GRM4: variants seen among roughly 807,000 people sequenced by gnomAD.
GRM4 encodes metabotropic glutamate receptor 4.
GRM4 carries 28 observed loss-of-function variants against 81.7 expected under a neutral mutation model. That is an observed-to-expected ratio of 0.34 (90% CI 0.25 to 0.47). The LOEUF (loss-of-function observed/expected upper bound fraction) is 0.47. GRM4 is among the 20% of genes least tolerant of loss of function. The pLI is 1.00. For missense variants in GRM4, 948 were observed against 1,290.0 expected (o/e 0.73, Z 4.06); for synonymous variants, 488 against 528.8 (o/e 0.92, Z 1.06).
rs186254295 is a variant in GRM4 at position 34,117,512 on chromosome 6, C to T, written c.519+15466G>A. On this transcript the variant is annotated intron_variant, in intron 2 of 10. Transcript: ENST00000538487. The stretch of plus-strand genomic sequence containing the variant: ...GCTCCCTGCCCACCCACTACCTCAG[C>T]TGCCACACTGGATTTAAATCCCTGA... 3.0e-3 allele frequency among the ~76,000 whole-genome samples: 462 copies of T among 152,330 alleles called. 17 individuals carry two copies. The highest frequency in any genetic ancestry group is 0.03 in the Admixed American group (460 of 15,304).
rs536310911 is a variant in GRM4, at chr6:34,068,259, G to A, written c.737-6231C>T. On this transcript the variant is annotated intron_variant, in intron 3 of 10. Coordinates refer to ENST00000538487, the MANE Select transcript of GRM4 (RefSeq NM_000841.4). This position sits in a 1 kb window ranked among gnomAD's most constrained non-coding sequence, Gnocchi z 4.2. ...AGAGGCAGAGGCTGGATCTGAACTC[G>A]GGTCTGACTATTCTCTAGGAGCTGC... Among the ~76,000 whole-genome samples, 84 of 152,258 alleles carry A rather than the reference G, an allele frequency of 5.5e-4. 1 individual carries two copies. Among genetic ancestry groups the A allele is most frequent in the African/African-American group, 1.6e-3 (67 of 41,558 alleles).
Position 34,127,931 on chromosome 6 carries a change from C to A in GRM4, c.519+5047G>T, listed in dbSNP as rs539737227. Reference sequence around the variant, plus strand: ...GATCTAAGACAGTGTTCCCCCAGGGCCACACCCATAGCCCCGGCTCCAGAA... The same window carrying A: ...GATCTAAGACAGTGTTCCCCCAGGGACACACCCATAGCCCCGGCTCCAGAA... On this transcript the variant is annotated intron_variant, in intron 2 of 10. Transcript: ENST00000538487. Among the ~76,000 whole-genome samples the A allele has an allele frequency of 2.0e-5, 3 of 152,252 alleles. No homozygotes were observed. The South Asian group carries it at 6.2e-4, about 32-fold the overall frequency.
chr6:34,093,179 C>T (rs1768333967), intron 2 of GRM4, among the ~76,000 whole-genome samples: 1 of 152,228 alleles, frequency 6.6e-6, no homozygotes, highest in Non-Finnish European at 1.5e-5. Context: ...GGCCAGACTT[C>T]AGGCCCAGTG....
intron 2 of GRM4, among the ~76,000 whole-genome samples, chr6:34,108,728 G>A (rs950186635): frequency 6.6e-6 from 1 of 152,122 alleles, no homozygotes; most frequent in African/African-American, 2.4e-5. Context: ...AGTGTGCCAG[G>A]TGCTGGGAGG....
chr6:34,088,002 A>G (rs1334526281), intron 3 of GRM4, among the ~76,000 whole-genome samples: 1 of 151,940 alleles, frequency 6.6e-6, no homozygotes, highest in Non-Finnish European at 1.5e-5. Context: ...GGGGCCCAGC[A>G]CTTCCCAGGC....
intron 6 of GRM4, among the ~76,000 whole-genome samples, chr6:34,041,496 C>T (rs1765019008): frequency 6.6e-6 from 1 of 152,184 alleles, no homozygotes; most frequent in South Asian, 2.1e-4. Context: ...TGGGGTCTGA[C>T]CTCCCATCCT....
rs78696372 is a variant in GRM4 at position 34,047,552 on chromosome 6, C to T, written c.1169-6804G>A. On this transcript the variant is annotated intron_variant, in intron 6 of 10. Coordinates refer to ENST00000538487, the MANE Select transcript of GRM4 (RefSeq NM_000841.4). The surrounding 1 kb of genome is among the most constrained non-coding windows in gnomAD (Gnocchi z 4.5). ...TTTCAGCCCTATACCGCAGTTTTGC[C>T]GGCCCCCTCCTCTCGAATTTTCATC... Among the ~76,000 whole-genome samples, 3,712 of 152,184 alleles carry T rather than the reference C, an allele frequency of 0.024. 140 individuals carry two copies. Among genetic ancestry groups the T allele is most frequent in the African/African-American group, 0.081 (3,369 of 41,500 alleles).
intron 1 of GRM4, among the ~76,000 whole-genome samples, chr6:34,153,173 A>T (rs1231745251): frequency 1.3e-5 from 2 of 152,124 alleles, no homozygotes; most frequent in Non-Finnish European, 2.9e-5. Context: ...TCCCCGACGC[A>T]CACACCCAGC....
chr6:34,139,342 T>C (rs1438784288), intron 1 of GRM4, among the ~76,000 whole-genome samples: 2 of 152,170 alleles, frequency 1.3e-5, no homozygotes, highest in East Asian at 3.8e-4. Context: ...AAAAGGAAGG[T>C]AATTCTTAGG....
chr6:34,109,589 C>T (rs1022609467), intron 2 of GRM4, among the ~76,000 whole-genome samples: 2 of 152,204 alleles, frequency 1.3e-5, no homozygotes, highest in Non-Finnish European at 2.9e-5. Context: ...ACAATGCCTG[C>T]TGCCCAGTCT....
At chr6:34,062,259 T>C in intron 3 of GRM4, 1 of 455,462 alleles carries the variant, frequency 2.2e-6, no homozygotes, top group Non-Finnish European at 3.9e-6. Flanking sequence ...ACTTAAGTAC[T>C]CTGAGCCTCA....
At chr6:34,086,984 G>C (rs529216578) in intron 3 of GRM4, among the ~76,000 whole-genome samples, 3 of 152,182 alleles carry the variant, frequency 2.0e-5, no homozygotes, top group Non-Finnish European at 2.9e-5. Flanking sequence ...AATTAGCCGA[G>C]CATGGTGGTA....
In GRM4 at chr6:34,035,574, C is replaced by A. The variant is rs1644010404; in HGVS notation, c.2442+94G>T. The A allele has an allele frequency of 1.6e-6, 1 of 618,802 alleles. No individual in the cohort carries two copies. Among genetic ancestry groups the A allele is most frequent in the Admixed American group, 3.5e-5 (1 of 28,880 alleles). 38.3% of individuals were successfully genotyped at this position (618,802 alleles called of 1,614,324 possible). ...GAATGAGGCATGAAAGAAGGCATTTCTGGAGCAGGGGGGAGGCCAGCCAGC... is the reference window on the plus strand; with the variant it reads ...GAATGAGGCATGAAAGAAGGCATTTATGGAGCAGGGGGGAGGCCAGCCAGC... On this transcript the variant is annotated intron_variant, in intron 9 of 10. Coordinates refer to ENST00000538487, the MANE Select transcript of GRM4 (RefSeq NM_000841.4). This position sits in a 1 kb window ranked among gnomAD's most constrained non-coding sequence, Gnocchi z 6.6.
At position 34,026,361 on chromosome 6, in the gene GRM4, G is replaced by A. The variant is rs192258735; in HGVS notation, c.2689+1759C>T. ...AGAGACAGTGGGGGCACAGGGTGCT[G>A]GTTGCTGCCCTTCACACAGGAGGTG... On this transcript the variant is annotated intron_variant, in intron 10 of 10. Transcript: ENST00000538487. Among the ~76,000 whole-genome samples, 158 of 152,210 alleles carry A rather than the reference G, an allele frequency of 1.0e-3. 1 individual carries two copies. The highest frequency in any genetic ancestry group is 3.1e-3 in the Admixed American group (48 of 15,302).
intron 2 of GRM4, among the ~76,000 whole-genome samples, chr6:34,094,247 G>A (rs1768394772): frequency 1.3e-5 from 2 of 152,156 alleles, no homozygotes; most frequent in Non-Finnish European, 1.5e-5. Context: ...GAAAGCAAGT[G>A]GCCGAGACAG....
At chr6:34,110,646 CT>C in intron 2 of GRM4, 2 of 1,260,868 alleles carry the variant, frequency 1.6e-6, no homozygotes, top group Non-Finnish European at 1.1e-6. Flanking sequence ...TACCATACCC[CT>C]TCTCATCCCC....
rs2127436648 is a variant in GRM4, at chr6:34,028,319, G to A, written c.2490C>T (p.Ala830=). ...TTLTVSVSLS[A]SVSLGMLYMP... is the part of the protein sequence containing the mutation. Reference sequence around the variant, plus strand: ...TGTAGAGCATTCCCAGGGACACCGAGGCGCTCAGACTCACCGAGACCGTCA... The same window carrying A: ...TGTAGAGCATTCCCAGGGACACCGAAGCGCTCAGACTCACCGAGACCGTCA... The change falls in exon 10 of 11, where the codon GCC becomes GCT. Residue 830 remains alanine (A), a synonymous_variant. Transcript: ENST00000538487. 6.2e-7 allele frequency: 1 copy of A among 1,613,016 alleles called. No individual in the cohort carries two copies. Among genetic ancestry groups the A allele is most frequent in the Non-Finnish European group, 8.5e-7 (1 of 1,179,944 alleles).
intron 9 of GRM4, among the ~76,000 whole-genome samples, chr6:34,030,346 G>C (rs1453605764): frequency 1.3e-5 from 2 of 152,206 alleles, no homozygotes; most frequent in African/African-American, 4.8e-5. Flanking sequence ...TGTGTCCCAG[G>C]TAAGACACCC....
At chr6:34,148,053 C>T (rs12200221), upstream of GRM4, among the ~76,000 whole-genome samples, 1 of 137,138 alleles carries the variant, frequency 7.3e-6, no homozygotes, top group Non-Finnish European at 1.6e-5. Context: ...TCCCACCCCC[C>T]GCCCCCCACC....
Sources: allele counts gnomAD v4.1 joint callset (sites outside exome capture counted in the v4.1 genomes callset), GRCh38; gene constraint gnomAD v4.1.1; non-coding constraint Gnocchi (gnomAD v3.1); transcripts MANE v1.5; gene names NCBI Gene and HGNC (gene_info 2026-07-23, HGNC 2026-07-21).